The following SLC35D1 variants were observed in gnomAD, a reference collection of about 807,000 sequenced individuals.
The protein encoded by SLC35D1 is nucleotide sugar transporter SLC35D1.
A neutral mutation model predicts 46.7 loss-of-function variants in SLC35D1; 31 were observed. The ratio of observed to expected loss-of-function variants is 0.66; its 90% CI spans 0.50 to 0.90. The LOEUF (loss-of-function observed/expected upper bound fraction) is 0.90, where lower values mean the gene tolerates loss of function less well. SLC35D1 is among the 40% of genes least tolerant of loss of function. SLC35D1 has a pLI of 0.00. For synonymous variants in SLC35D1, 195 were observed against 164.6 expected, an observed-to-expected ratio of 1.18 and a Z score of -1.41; for missense variants, 397 against 426.2, an observed-to-expected ratio of 0.93 and a Z score of 0.60.
intron 10 of SLC35D1, among the ~76,000 whole-genome samples, chr1:67,014,964 C>T (rs894032705): frequency 1.3e-5 from 2 of 150,986 alleles, no homozygotes; most frequent in Admixed American, 6.6e-5. Context: ...TTGTCTTGCA[C>T]TGCACATAGT....
At chr1:66,976,683 G>T in the SLC35D1 span, 3 of 1,605,466 alleles carry the variant, frequency 1.9e-6, no homozygotes, top group Non-Finnish European at 2.6e-6. Context: ...CAGCAAACAC[G>T]ATTTGGAAAG....
the SLC35D1 span, chr1:66,984,950 A>G: frequency 1.3e-6 from 2 of 1,517,696 alleles, no homozygotes; most frequent in Non-Finnish European, 1.8e-6. Context: ...TGTGACTAAA[A>G]TTTTCAGGGT....
At chr1:67,045,865 T>C in intron 7 of SLC35D1, among the ~76,000 whole-genome samples, 1 of 152,184 alleles carries the variant, frequency 6.6e-6, no homozygotes, top group African/African-American at 2.4e-5. Flanking sequence ...CTATTAACAG[T>C]GATGTTTTAG....
At chr1:66,983,025 A>C in the SLC35D1 span, among the ~76,000 whole-genome samples, 2 of 152,124 alleles carry the variant, frequency 1.3e-5, no homozygotes, top group Non-Finnish European at 2.9e-5. Flanking sequence ...ACACCAAATC[A>C]TTTTCTTTTC....
the SLC35D1 span, among the ~76,000 whole-genome samples, chr1:66,981,389 C>T: frequency 6.6e-6 from 1 of 152,146 alleles, no homozygotes; most frequent in African/African-American, 2.4e-5. Context: ...TTTTAGGTAT[C>T]GCCTTTAGGA....
chr1:66,977,051 G>A, the SLC35D1 span, among the ~76,000 whole-genome samples: 1 of 152,000 alleles, frequency 6.6e-6, no homozygotes, highest in Non-Finnish European at 1.5e-5. Flanking sequence ...CAGAACAGCT[G>A]TGAAAGCATG....
At position 67,000,805 on chromosome 1, in the gene SLC35D1, C is replaced by T. The variant is rs975640756; in HGVS notation, c.*3535G>A. Reference sequence around the variant, plus strand: ...AGAACATGTACAGTAGAGGAGGAGGCCTCAAGCTACTTACAGAATTCTAAG... The same window carrying T: ...AGAACATGTACAGTAGAGGAGGAGGTCTCAAGCTACTTACAGAATTCTAAG... On this transcript the variant is annotated 3_prime_UTR_variant, in exon 12 of 12. Transcript: ENST00000235345. The T allele has an allele frequency of 1.3e-5, 2 of 152,294 alleles. No homozygotes were observed. Among genetic ancestry groups the T allele is most frequent in the African/African-American group, 4.8e-5 (2 of 41,428 alleles). The allele number at this position is 152,294 out of a possible 1,614,324, so 9.4% of individuals were successfully genotyped here.
chr1:67,040,666 G>C (rs1409522208), intron 8 of SLC35D1, among the ~76,000 whole-genome samples: 1 of 151,936 alleles, frequency 6.6e-6, no homozygotes, highest in Non-Finnish European at 1.5e-5. Context: ...ACTTTTCCTG[G>C]TATTTGCCCA....
intron 8 of SLC35D1, among the ~76,000 whole-genome samples, chr1:67,025,639 T>C (rs1335748060): frequency 6.6e-6 from 1 of 152,244 alleles, no homozygotes; most frequent in African/African-American, 2.4e-5. Context: ...TGGTGTTGAA[T>C]CTATAGATGA....
intron 8 of SLC35D1, among the ~76,000 whole-genome samples, chr1:67,038,447 G>T (rs1159278631): frequency 6.6e-6 from 1 of 152,094 alleles, no homozygotes; most frequent in African/African-American, 2.4e-5. Flanking sequence ...GAGATCTACA[G>T]CAAGTGGTCT....
intron 7 of SLC35D1, among the ~76,000 whole-genome samples, chr1:67,044,500 A>G (rs564500700): frequency 6.6e-6 from 1 of 152,342 alleles, no homozygotes; most frequent in South Asian, 2.1e-4. Context: ...GTTAGAAACT[A>G]TATCATCCCT....
chr1:67,040,470 A>G (rs1049966472), intron 8 of SLC35D1, among the ~76,000 whole-genome samples: 2 of 152,184 alleles, frequency 1.3e-5, no homozygotes, highest in African/African-American at 2.4e-5. Flanking sequence ...AGTTTCCCCA[A>G]CTATGAAATA....
chr1:66,992,422 G>A, the SLC35D1 span, among the ~76,000 whole-genome samples: 1 of 152,238 alleles, frequency 6.6e-6, no homozygotes, highest in Admixed American at 6.5e-5. Context: ...TATAAATGAA[G>A]CCGGTGAGTG....
chr1:66,996,469 T>G (rs1258726650), downstream of SLC35D1, among the ~76,000 whole-genome samples: 1 of 152,188 alleles, frequency 6.6e-6, no homozygotes, highest in Non-Finnish European at 1.5e-5. Context: ...GTGTTTGAAG[T>G]CAGACTGATG....
At chr1:66,987,531 T>TTAA in the SLC35D1 span, 12 of 152,714 alleles carry the variant, frequency 7.9e-5, no homozygotes, top group Non-Finnish European at 1.8e-4. Flanking sequence ...TTTGAAGTAA[T>TTAA]ATTTAAATAG....
chr1:67,030,102 A>C (rs1558159023), intron 8 of SLC35D1, among the ~76,000 whole-genome samples: 1 of 152,038 alleles, frequency 6.6e-6, no homozygotes, highest in South Asian at 2.1e-4. Context: ...AAGAAAAGCC[A>C]TTGTACCTAG....
the SLC35D1 span, among the ~76,000 whole-genome samples, chr1:66,990,667 A>C: frequency 4.6e-5 from 7 of 152,230 alleles, no homozygotes; most frequent in Non-Finnish European, 1.0e-4. Flanking sequence ...CAATGATACC[A>C]GTTTTGGCAA....
intron 5 of SLC35D1, 50 bp downstream of exon 5, chr1:67,050,383 C>G: frequency 7.3e-7 from 1 of 1,363,608 alleles, no homozygotes. Flanking sequence ...ATATGCTGGG[C>G]ACCTTTTCAA....
chr1:66,998,057 A>T (rs148422596), downstream of SLC35D1, among the ~76,000 whole-genome samples: 539 of 152,196 alleles, frequency 3.5e-3, 3 homozygotes, highest in African/African-American at 0.012. Context: ...ATGTGGAGAA[A>T]CTGGAACCCT....
Sources: allele counts gnomAD v4.1 joint callset (sites outside exome capture counted in the v4.1 genomes callset), GRCh38; gene constraint gnomAD v4.1.1; transcripts MANE v1.5; gene names NCBI Gene and HGNC (gene_info 2026-07-23, HGNC 2026-07-21).